The following MAPRE2 variants were observed in gnomAD, a reference collection of about 807,000 sequenced individuals.
MAPRE2 encodes the protein microtubule associated protein RP/EB family member 2.
In MAPRE2, 13 loss-of-function variants were observed where a neutral mutation model predicts 43.2. The ratio of observed to expected loss-of-function variants is 0.30; its 90% CI spans 0.20 to 0.48. MAPRE2 has a LOEUF of 0.48. Ranked by LOEUF, MAPRE2 falls within the 20% of genes least tolerant of loss-of-function variation. MAPRE2 has a pLI of 0.99. For missense variants in MAPRE2, 161 were observed against 400.2 expected, an observed-to-expected ratio of 0.40 and a Z score of 5.10; for synonymous variants, 135 against 148.8, an observed-to-expected ratio of 0.91 and a Z score of 0.68.
chr18:34,997,739 C>T (rs2097027240), intron 1 of MAPRE2, among the ~76,000 whole-genome samples: 1 of 152,162 alleles, frequency 6.6e-6, no homozygotes, highest in South Asian at 2.1e-4. Context: ...TCTCTTGAAC[C>T]CAGAAGGCTG....
chr18:35,095,386 ACACACACACACACACG>A lies in MAPRE2; in HGVS notation c.251-2048_251-2033del, dbSNP rs1411329594. On this transcript the variant is annotated intron_variant, in intron 2 of 6. Transcript: ENST00000300249. ...AATACACACACACACACACACACAC[ACACACACACACACACG>A]CACACACACACTCCTTTCCAAAGAG... is the stretch of plus-strand genomic sequence containing the variant. 4.2e-5 allele frequency among the ~76,000 whole-genome samples: 6 copies of A among 144,518 alleles called. No homozygotes were observed. The South Asian group carries it at 8.7e-4, about 21-fold the overall frequency. The allele number at this position is 144,518 out of a possible 152,430, so 94.8% of individuals were successfully genotyped here.
At position 35,140,595 on chromosome 18, in the gene MAPRE2, C is replaced by T. The variant is rs1332665290; in HGVS notation, c.*226C>T. Reference sequence around the variant, plus strand: ...ACCTACCCGAGAGATCGTAGGGTCACATACATCCAACTTCACCACTTGGCT... The same window carrying T: ...ACCTACCCGAGAGATCGTAGGGTCATATACATCCAACTTCACCACTTGGCT... On this transcript the variant is annotated 3_prime_UTR_variant, in exon 7 of 7. Coordinates refer to ENST00000300249, the MANE Select transcript of MAPRE2 (RefSeq NM_014268.4). 3.9e-6 allele frequency: 2 copies of T among 512,932 alleles called. No homozygotes were observed. The highest frequency in any genetic ancestry group is 3.3e-5 in the South Asian group (1 of 30,348). 31.8% of individuals were successfully genotyped at this position (512,932 alleles called of 1,614,324 possible).
At position 35,127,019 on chromosome 18, in the gene MAPRE2, T is replaced by A. The variant is rs1909935173; in HGVS notation, c.682T>A (p.Ser228Thr). The A allele has an allele frequency of 6.2e-7, 1 of 1,614,060 alleles. No individual in the cohort carries two copies. The highest frequency in any genetic ancestry group is 1.1e-5 in the South Asian group (1 of 91,088). ...PSRPSSAKRA[S>T]SSGSASKSDK... ...TCGACCCTCATCAGCCAAAAGGGCT[T>A]CTTCCAGTGGCTCAGCATCCAAATC... Residue 228 changes from serine (S) to threonine (T), a missense_variant, in exon 5 of 7, where the codon TCT becomes ACT. Physicochemically the swap from Ser to Thr is moderately conservative, Grantham distance 58. Transcript: ENST00000300249.
At chr18:35,089,687 G>T (rs1481037937) in intron 2 of MAPRE2, among the ~76,000 whole-genome samples, 1 of 152,158 alleles carries the variant, frequency 6.6e-6, no homozygotes, top group African/African-American at 2.4e-5. Context: ...ATCTGTTGCT[G>T]GTAGAAATAT....
At chr18:35,067,127 A>G (rs1234542924) in intron 1 of MAPRE2, among the ~76,000 whole-genome samples, 2 of 152,172 alleles carry the variant, frequency 1.3e-5, no homozygotes, top group African/African-American at 4.8e-5. Context: ...GCTTGTGAGG[A>G]CTACAGCTGT....
At chr18:34,985,007 ATTT>A (rs1319524769) in intron 1 of MAPRE2, among the ~76,000 whole-genome samples, 12 of 72,118 alleles carry the variant, frequency 1.7e-4, no homozygotes, top group African/African-American at 6.2e-4. Flanking sequence ...TATATAATAT[ATTT>A]TATGTTATAT....
At chr18:35,100,721 C>G (rs889854379) in intron 3 of MAPRE2, among the ~76,000 whole-genome samples, 2 of 152,178 alleles carry the variant, frequency 1.3e-5, no homozygotes, top group Admixed American at 1.3e-4. Flanking sequence ...CTCAACACAA[C>G]TGGGCTACAT....
intron 4 of MAPRE2, among the ~76,000 whole-genome samples, chr18:35,117,834 G>T (rs190582840): frequency 6.6e-6 from 1 of 152,118 alleles, no homozygotes; most frequent in Non-Finnish European, 1.5e-5. Context: ...GATGCGAGGG[G>T]TGAAAAGTCA....
intron 2 of MAPRE2, among the ~76,000 whole-genome samples, chr18:35,010,213 C>G (rs1456622337): frequency 1.3e-5 from 2 of 152,032 alleles, no homozygotes; most frequent in African/African-American, 4.8e-5. Context: ...ATAGCAAGAC[C>G]TCATCTCTCT....
At chr18:35,105,893 C>T (rs889030270) in intron 4 of MAPRE2, among the ~76,000 whole-genome samples, 3 of 152,066 alleles carry the variant, frequency 2.0e-5, no homozygotes, top group African/African-American at 7.2e-5. Context: ...GTCATCAATA[C>T]TCTCATAGGT....
At chr18:35,110,696 GAATATTTTCA>G (rs1351927342) in intron 4 of MAPRE2, among the ~76,000 whole-genome samples, 2 of 152,050 alleles carry the variant, frequency 1.3e-5, no homozygotes, top group Non-Finnish European at 2.9e-5. Context: ...CATTCTTAAA[GAATATTTTCA>G]CTTGATAAAG....
intron 2 of MAPRE2, among the ~76,000 whole-genome samples, chr18:35,081,069 A>G (rs906066768): frequency 3.9e-5 from 6 of 152,242 alleles, no homozygotes; most frequent in South Asian, 2.1e-4. Context: ...CATTTGTATG[A>G]CAGCTCATGG....
intron 6 of MAPRE2, among the ~76,000 whole-genome samples, chr18:35,134,539 A>G (rs1603404519): frequency 6.6e-6 from 1 of 152,226 alleles, no homozygotes; most frequent in Admixed American, 6.5e-5. Flanking sequence ...AGAGGCTAAA[A>G]TCATAAGGAC....
chr18:35,095,663 T>C (rs2144164274), intron 2 of MAPRE2, among the ~76,000 whole-genome samples: 1 of 152,144 alleles, frequency 6.6e-6, no homozygotes, highest in East Asian at 1.9e-4. Context: ...CGAAAATAAC[T>C]TCTAAGACCA....
chr18:35,097,603 G>A lies in MAPRE2; in HGVS notation c.396+12G>A, dbSNP rs369315412. Reference sequence around the variant, plus strand: ...TGAACGTTGATAAGGTAGGAGACTTGTACCTCCATAAAATGTGTTGTTTTT... The same window carrying A: ...TGAACGTTGATAAGGTAGGAGACTTATACCTCCATAAAATGTGTTGTTTTT... On this transcript the variant is annotated intron_variant, in intron 3 of 6. Coordinates refer to ENST00000300249, the MANE Select transcript of MAPRE2 (RefSeq NM_014268.4). The A allele has an allele frequency of 6.2e-7, 1 of 1,602,934 alleles. No individual in the cohort carries two copies. The highest frequency in any genetic ancestry group is 8.5e-7 in the Non-Finnish European group (1 of 1,175,412).
At chr18:35,005,543 G>A (rs1308083999) in exon 2 of MAPRE2, 2 of 1,541,952 alleles carry the variant, frequency 1.3e-6, no homozygotes, top group Admixed American at 2.0e-5. Flanking sequence ...GAGAAAGCCT[G>A]GATGCTCAAG....
intron 2 of MAPRE2, among the ~76,000 whole-genome samples, chr18:35,031,954 T>A (rs538328616): frequency 1.3e-5 from 2 of 152,262 alleles, no homozygotes; most frequent in Non-Finnish European, 2.9e-5. Context: ...CCAGAAGAAC[T>A]AATAAAATCT....
chr18:35,114,235 C>T (rs980211535), intron 4 of MAPRE2, among the ~76,000 whole-genome samples: 4 of 152,164 alleles, frequency 2.6e-5, no homozygotes, highest in Non-Finnish European at 5.9e-5. Context: ...TGCTGAACCA[C>T]GGTAAATTTC....
intron 2 of MAPRE2, among the ~76,000 whole-genome samples, chr18:35,013,105 G>A (rs1017095720): frequency 6.6e-6 from 1 of 152,150 alleles, no homozygotes; most frequent in Non-Finnish European, 1.5e-5. Context: ...GCAACAAAGA[G>A]GTTGTTAGTG....
Sources: allele counts gnomAD v4.1 joint callset (sites outside exome capture counted in the v4.1 genomes callset), GRCh38; gene constraint gnomAD v4.1.1; transcripts MANE v1.5; gene names NCBI Gene and HGNC (gene_info 2026-07-23, HGNC 2026-07-21).